Variants in KAT6B observed in about 807,000 individuals in gnomAD.
KAT6B encodes lysine acetyltransferase 6B.
KAT6B carries 10 observed loss-of-function variants against 187.5 expected under a neutral mutation model. That is an observed-to-expected ratio of 0.05 (90% confidence interval 0.03 to 0.09). KAT6B has a LOEUF of 0.09. Among genes scored for constraint, KAT6B ranks in the 10% least tolerant of loss-of-function variants. The pLI is 1.00. For synonymous variants in KAT6B, 861 were observed against 926.8 expected (o/e 0.93, Z 1.29); for missense variants, 1,952 against 2,558.9 (o/e 0.76, Z 5.12).
chr10:74,995,347 GT>G (rs1371322682), intron 13 of KAT6B, among the ~76,000 whole-genome samples: 1 of 152,058 alleles, frequency 6.6e-6, no homozygotes. Context: ...GTTTCTGTTT[GT>G]TTTTTATTTT....
intron 3 of KAT6B, among the ~76,000 whole-genome samples, chr10:74,847,145 C>T (rs1842167413): frequency 6.6e-6 from 1 of 152,162 alleles, no homozygotes; most frequent in East Asian, 1.9e-4. Flanking sequence ...TAATTTATTG[C>T]TTAGCAGGCA....
intron 3 of KAT6B, among the ~76,000 whole-genome samples, chr10:74,902,903 C>A (rs1846500566): frequency 6.6e-6 from 1 of 152,140 alleles, no homozygotes; most frequent in African/African-American, 2.4e-5. Flanking sequence ...CATATTGTCT[C>A]ATACTTAGTA....
intron 6 of KAT6B, among the ~76,000 whole-genome samples, chr10:74,970,540 G>A (rs1466150510): frequency 6.6e-6 from 1 of 152,058 alleles, no homozygotes; most frequent in Non-Finnish European, 1.5e-5. Flanking sequence ...GCCATTAGTT[G>A]ATATTTTGAA....
chr10:74,881,017 A>G (rs1844815800), intron 3 of KAT6B, among the ~76,000 whole-genome samples: 2 of 151,120 alleles, frequency 1.3e-5, no homozygotes, highest in South Asian at 4.2e-4. Context: ...TCCACCTCCC[A>G]GGTTCAAGCC....
At chr10:74,914,992 C>G (rs527572131) in intron 3 of KAT6B, among the ~76,000 whole-genome samples, 1 of 151,902 alleles carries the variant, frequency 6.6e-6, no homozygotes, top group African/African-American at 2.4e-5. Flanking sequence ...CCCAGCTACT[C>G]GGGATGCTGA....
At chr10:74,904,349 T>C (rs2132811545) in intron 3 of KAT6B, among the ~76,000 whole-genome samples, 1 of 152,308 alleles carries the variant, frequency 6.6e-6, no homozygotes, top group Non-Finnish European at 1.5e-5. Context: ...GCTCACTGGT[T>C]GTTGGTGGAA....
intron 3 of KAT6B, among the ~76,000 whole-genome samples, chr10:74,861,150 A>G (rs1285291967): frequency 1.3e-5 from 2 of 151,872 alleles, no homozygotes; most frequent in Non-Finnish European, 2.9e-5. Context: ...AAAAAAAAAA[A>G]CATTAGCCGG....
chr10:74,980,766 T>C (rs1254085477), intron 10 of KAT6B, among the ~76,000 whole-genome samples: 1 of 152,204 alleles, frequency 6.6e-6, no homozygotes, highest in Non-Finnish European at 1.5e-5. Context: ...GTTCTGATTT[T>C]TAAGGTGGAG....
intron 3 of KAT6B, among the ~76,000 whole-genome samples, chr10:74,854,777 G>A (rs935646417): frequency 6.6e-6 from 1 of 152,108 alleles, no homozygotes; most frequent in Non-Finnish European, 1.5e-5. Flanking sequence ...AACTTAACTG[G>A]TCAACAGATG....
At chr10:75,008,684 A>G (rs188753047) in intron 13 of KAT6B, among the ~76,000 whole-genome samples, 179 of 152,318 alleles carry the variant, frequency 1.2e-3, no homozygotes, top group Non-Finnish European at 2.9e-4. Context: ...GTAGAACATA[A>G]TGAATGTTTT....
Position 74,842,824 on chromosome 10 carries a change from G to T in KAT6B, c.-34G>T. 1 of 1,612,214 alleles carries T rather than the reference G, an allele frequency of 6.2e-7. No homozygotes were observed. Among genetic ancestry groups the T allele is most frequent in the Non-Finnish European group, 8.5e-7 (1 of 1,179,468 alleles). On this transcript the variant is annotated 5_prime_UTR_variant, in exon 3 of 18. Coordinates refer to ENST00000287239, the MANE Select transcript of KAT6B (RefSeq NM_012330.4). ...TTAAATACAAAGAGAACCTCTATGG[G>T]TAACTTTTGTGTTGAAGAAGTCATT... is the stretch of plus-strand genomic sequence containing the variant.
intron 3 of KAT6B, among the ~76,000 whole-genome samples, chr10:74,929,874 A>G (rs1015074484): frequency 3.3e-5 from 5 of 152,188 alleles, no homozygotes; most frequent in African/African-American, 1.2e-4. Flanking sequence ...ATATTATTTG[A>G]AAAATGATTG....
At chr10:74,844,619 C>G (rs376890358) in intron 3 of KAT6B, among the ~76,000 whole-genome samples, 1 of 152,214 alleles carries the variant, frequency 6.6e-6, no homozygotes, top group African/African-American at 2.4e-5. Context: ...TTGTCTCATA[C>G]AGTATCTTTT....
chr10:74,940,582 T>TG (rs1849599118), intron 3 of KAT6B, among the ~76,000 whole-genome samples: 1 of 150,920 alleles, frequency 6.6e-6, no homozygotes, highest in Non-Finnish European at 1.5e-5. Flanking sequence ...CCTTTGTTTT[T>TG]TTTTTTTTTC....
At chr10:75,014,625 G>A (rs1029121193) in intron 13 of KAT6B, among the ~76,000 whole-genome samples, 1 of 152,178 alleles carries the variant, frequency 6.6e-6, no homozygotes, top group African/African-American at 2.4e-5. Flanking sequence ...CCGATTTAAA[G>A]TATAAACCAT....
At chr10:74,840,150 C>T (rs997939778) in intron 2 of KAT6B, among the ~76,000 whole-genome samples, 6 of 152,202 alleles carry the variant, frequency 3.9e-5, no homozygotes, top group Non-Finnish European at 8.8e-5. Context: ...ACCATGACCA[C>T]TTGTGTGGCA....
intron 13 of KAT6B, among the ~76,000 whole-genome samples, chr10:75,001,408 G>A (rs1843825926): frequency 6.6e-6 from 1 of 152,162 alleles, no homozygotes; most frequent in Admixed American, 6.5e-5. Context: ...AGTCCATAAA[G>A]CGAATTAGGA....
At chr10:74,855,599 G>T (rs1453270312) in intron 3 of KAT6B, among the ~76,000 whole-genome samples, 3 of 152,200 alleles carry the variant, frequency 2.0e-5, no homozygotes, top group Non-Finnish European at 2.9e-5. Context: ...AACAGGATCT[G>T]CTAGTGGAAG....
At chr10:75,004,051 G>T (rs1469424263) in intron 13 of KAT6B, among the ~76,000 whole-genome samples, 1 of 150,374 alleles carries the variant, frequency 6.7e-6, no homozygotes, top group Non-Finnish European at 1.5e-5. Context: ...CATGCAGGTG[G>T]TTGGTTTTTT....
Sources: allele counts gnomAD v4.1 joint callset (sites outside exome capture counted in the v4.1 genomes callset), GRCh38; gene constraint gnomAD v4.1.1; transcripts MANE v1.5; gene names NCBI Gene and HGNC (gene_info 2026-07-23, HGNC 2026-07-21).